GATAD2B: variants seen among roughly 807,000 people sequenced by gnomAD.
The protein encoded by GATAD2B is GATA zinc finger domain containing 2B.
A neutral mutation model predicts 64.3 loss-of-function variants in GATAD2B; 8 were observed. The ratio of observed to expected loss-of-function variants is 0.12; its 90% CI spans 0.07 to 0.22. The LOEUF (loss-of-function observed/expected upper bound fraction) is 0.22, where lower values mean the gene tolerates loss of function less well. Among genes scored for constraint, GATAD2B ranks in the 10% least tolerant of loss-of-function variants. The probability of loss-of-function intolerance (pLI) is 1.00; values close to 1 mark genes in which losing one functional copy is unlikely to be tolerated. For missense variants in GATAD2B, 453 were observed against 752.0 expected (o/e 0.60, Z 4.65); for synonymous variants, 281 against 271.3 (o/e 1.04, Z -0.35).
intron 1 of GATAD2B, chr1:153,921,753 C>T (rs1678438254): frequency 6.6e-6 from 1 of 152,312 alleles, no homozygotes; most frequent in African/African-American, 2.4e-5. Flanking sequence ...ACCAAGCCTC[C>T]ATCTCCACCT....
chr1:153,832,275 A>C (rs1180261969), intron 1 of GATAD2B, among the ~76,000 whole-genome samples: 2 of 152,202 alleles, frequency 1.3e-5, no homozygotes, highest in African/African-American at 4.8e-5. Flanking sequence ...AGGAAATTAA[A>C]AGTGCTATTC....
At chr1:153,818,284 G>C (rs1389949888) in intron 4 of GATAD2B, 113 bp from the exon 5 acceptor site, 1 of 786,958 alleles carries the variant, frequency 1.3e-6, no homozygotes, top group Non-Finnish European at 1.9e-6. Flanking sequence ...CAATCAGGAG[G>C]AAAAACCAGA....
chr1:153,878,944 AT>A (rs1378845550), intron 1 of GATAD2B, among the ~76,000 whole-genome samples: 26 of 139,488 alleles, frequency 1.9e-4, no homozygotes, highest in East Asian at 8.3e-4. Context: ...TGCCTGGCTA[AT>A]TTTTTTTTTT....
intron 1 of GATAD2B, among the ~76,000 whole-genome samples, chr1:153,901,132 T>C (rs775574748): frequency 2.0e-5 from 3 of 151,706 alleles, no homozygotes; most frequent in Non-Finnish European, 4.4e-5. Flanking sequence ...AAGAATCCCT[T>C]GAACCCGGAA....
At chr1:153,815,280 C>CAAAACAAAAAAAAAAAAA (rs1674428829) in intron 7 of GATAD2B, among the ~76,000 whole-genome samples, 11 of 66,614 alleles carry the variant, frequency 1.7e-4, no homozygotes, top group Non-Finnish European at 2.2e-4. Flanking sequence ...CTCAAAAAAA[C>CAAAACAAAAAAAAAAAAA]AAAAAAAAAA....
chr1:153,871,394 G>A (rs1676661045), intron 1 of GATAD2B, among the ~76,000 whole-genome samples: 1 of 151,716 alleles, frequency 6.6e-6, no homozygotes, highest in South Asian at 2.1e-4. Context: ...TAGTAGAGAT[G>A]GGGTTTGCCA....
At chr1:153,819,026 A>C in intron 3 of GATAD2B, 104 bp from the exon 4 acceptor site, 1 of 1,149,220 alleles carries the variant, frequency 8.7e-7, no homozygotes, top group Non-Finnish European at 1.2e-6. Context: ...CATCTTCCAC[A>C]AGAAGCAGAA....
intron 1 of GATAD2B, among the ~76,000 whole-genome samples, chr1:153,860,061 G>A (rs373430154): frequency 6.6e-6 from 1 of 151,850 alleles, no homozygotes; most frequent in East Asian, 1.9e-4. Flanking sequence ...GATTACAGGT[G>A]TGGCCACCAC....
intron 1 of GATAD2B, among the ~76,000 whole-genome samples, chr1:153,890,240 A>T (rs1320867796): frequency 6.6e-6 from 1 of 151,710 alleles, no homozygotes. Flanking sequence ...CTGTAATCCC[A>T]ACACTATGGG....
At chr1:153,864,184 C>T (rs1379077134) in intron 1 of GATAD2B, among the ~76,000 whole-genome samples, 2 of 152,122 alleles carry the variant, frequency 1.3e-5, no homozygotes, top group African/African-American at 4.8e-5. Flanking sequence ...ACATTCATCA[C>T]ACAAGTCTGA....
intron 1 of GATAD2B, among the ~76,000 whole-genome samples, chr1:153,888,522 A>G (rs1677252476): frequency 6.6e-6 from 1 of 152,170 alleles, no homozygotes; most frequent in African/African-American, 2.4e-5. Flanking sequence ...TCCGATCTGT[A>G]CCTTCCCTCT....
intron 1 of GATAD2B, among the ~76,000 whole-genome samples, chr1:153,887,492 T>C (rs1163983550): frequency 1.3e-5 from 2 of 152,220 alleles, no homozygotes; most frequent in Non-Finnish European, 2.9e-5. Flanking sequence ...GTACACTACC[T>C]TATAATGCAG....
chr1:153,837,379 A>AAC (rs1553190919), intron 1 of GATAD2B, among the ~76,000 whole-genome samples: 278 of 143,802 alleles, frequency 1.9e-3, no homozygotes, highest in African/African-American at 5.7e-3. Flanking sequence ...AAAACAAACA[A>AAC]AAAAAAAAAC....
At chr1:153,872,869 C>G (rs1314844842) in intron 1 of GATAD2B, among the ~76,000 whole-genome samples, 4 of 152,086 alleles carry the variant, frequency 2.6e-5, no homozygotes, top group African/African-American at 7.2e-5. Context: ...TTTTTGAGTA[C>G]TTCCCATTTT....
chr1:153,913,784 G>A (rs978682977), intron 1 of GATAD2B, among the ~76,000 whole-genome samples: 24 of 151,960 alleles, frequency 1.6e-4, no homozygotes, highest in Non-Finnish European at 2.9e-5. Flanking sequence ...GCCAGGCATG[G>A]TGGCGGGCAC....
chr1:153,809,480 T>C lies in GATAD2B; in HGVS notation c.*697A>G, dbSNP rs532887289. ...TCCCCAGGCTCTTTCCCCTCATTCT[T>C]AGAGCCCAACTTCAGTACCAAACAC... On this transcript the variant is annotated 3_prime_UTR_variant, in exon 11 of 11. Transcript: ENST00000368655. The C allele has an allele frequency of 6.5e-6, 1 of 152,702 alleles. No individual in the cohort carries two copies. The highest frequency in any genetic ancestry group is 2.1e-4 in the South Asian group (1 of 4,824). The allele number at this position is 152,702 out of a possible 1,614,324, so 9.5% of individuals were successfully genotyped here. A position where few individuals can be genotyped will look rare whatever the true frequency, so the allele number is the denominator to read the frequency against.
chr1:153,836,165 G>A (rs916169005), intron 1 of GATAD2B, among the ~76,000 whole-genome samples: 1 of 152,010 alleles, frequency 6.6e-6, no homozygotes, highest in African/African-American at 2.4e-5. Flanking sequence ...TACACAGTAA[G>A]GCAGTGGCTT....
chr1:153,879,375 C>G (rs1422163938), intron 1 of GATAD2B, among the ~76,000 whole-genome samples: 1 of 152,108 alleles, frequency 6.6e-6, no homozygotes, highest in African/African-American at 2.4e-5. Context: ...GCTCTCGGCC[C>G]CATACTTTAT....
chr1:153,852,356 C>T lies in GATAD2B; in HGVS notation c.-1-24008G>A, dbSNP rs191953354. The T allele has an allele frequency of 7.9e-6, 7 of 889,150 alleles. No homozygotes were observed. In the Admixed American group the frequency reaches 8.6e-5, roughly 11 times the overall value. The allele number at this position is 889,150 out of a possible 1,614,324, so 55.1% of individuals were successfully genotyped here. ...GCATTGCAGAACACTGAGTAGATGT[C>T]GCCTGCCATCACCCTCATATGCTTG... On this transcript the variant is annotated intron_variant, in intron 1 of 10. Transcript: ENST00000368655.
Sources: gnomAD v4.1 joint callset for allele counts (sites outside exome capture counted in the v4.1 genomes callset) on GRCh38, gnomAD v4.1.1 for gene constraint, MANE v1.5 for transcripts, NCBI Gene and HGNC (gene_info 2026-07-23, HGNC 2026-07-21) for gene names.